The following ABI3BP variants were observed in gnomAD, a reference collection of about 807,000 sequenced individuals.
ABI3BP encodes target of Nesh-SH3.
In ABI3BP, 216 loss-of-function variants were observed where a neutral mutation model predicts 268.6. The ratio of observed to expected loss-of-function variants is 0.80; its 90% CI spans 0.72 to 0.90. ABI3BP has a LOEUF of 0.90. Among genes scored for constraint, ABI3BP ranks in the 40% least tolerant of loss-of-function variants. The probability of loss-of-function intolerance (pLI) is 0.00; values close to 1 mark genes in which losing one functional copy is unlikely to be tolerated. For synonymous variants in ABI3BP, 730 were observed against 730.0 expected (o/e 1.00, Z 0.00); for missense variants, 2,090 against 2,182.4 (o/e 0.96, Z 0.84).
intron 37 of ABI3BP, 42 bp from the exon 38 acceptor site, chr3:100,822,714 C>T: frequency 6.7e-7 from 1 of 1,499,780 alleles, no homozygotes; most frequent in African/African-American, 1.4e-5. Flanking sequence ...ACTGCATTAT[C>T]TATGATTCTG....
intron 63 of ABI3BP, among the ~76,000 whole-genome samples, chr3:100,761,968 C>T (rs4928087): frequency 0.69 from 105,130 of 152,114 alleles, 36,466 homozygotes; most frequent in South Asian, 0.83. Flanking sequence ...GTTATTCAAA[C>T]AGGGAATTCC....
At chr3:100,788,501 A>G (rs2097113327) in intron 56 of ABI3BP, among the ~76,000 whole-genome samples, 1 of 152,026 alleles carries the variant, frequency 6.6e-6, no homozygotes, top group South Asian at 2.1e-4. Flanking sequence ...AGCTTCCTCA[A>G]CTGTACCTCA....
rs2054735378 is a variant in ABI3BP, at chr3:100,908,707, G to A, written c.260-6021C>T. Among the ~76,000 whole-genome samples the A allele has an allele frequency of 2.0e-5, 3 of 152,282 alleles. No homozygotes were observed. In the South Asian group the frequency reaches 6.2e-4, roughly 32 times the overall value. ...TAGGAATCAAACTTACAAGGGATGT[G>A]AAGGACCTCTTCAAGGAGAACTACA... is the stretch of plus-strand genomic sequence containing the variant. On this transcript the variant is annotated intron_variant, in intron 2 of 67. Coordinates refer to ENST00000471714, the MANE Select transcript of ABI3BP (RefSeq NM_001375547.2).
chr3:100,827,565 A>G (rs922151696), intron 34 of ABI3BP, among the ~76,000 whole-genome samples: 10 of 152,140 alleles, frequency 6.6e-5, no homozygotes, highest in Admixed American at 2.0e-4. Context: ...TCTGCACATC[A>G]TAGACTTAAA....
At chr3:100,960,333 A>C (rs898588715) in intron 1 of ABI3BP, among the ~76,000 whole-genome samples, 34 of 152,358 alleles carry the variant, frequency 2.2e-4, no homozygotes, top group African/African-American at 7.9e-4. Context: ...GAACAGAAGA[A>C]ATGTTTGAAG....
Position 100,825,857 on chromosome 3 carries a change from G to A in ABI3BP, c.2603-13C>T. 6.5e-7 allele frequency: 1 copy of A among 1,527,570 alleles called. No individual in the cohort carries two copies. The highest frequency in any genetic ancestry group is 8.8e-7 in the Non-Finnish European group (1 of 1,139,266). 94.6% of individuals were successfully genotyped at this position (1,527,570 alleles called of 1,614,324 possible). A position where few individuals can be genotyped will look rare whatever the true frequency, so the allele number is the denominator to read the frequency against. The stretch of plus-strand genomic sequence containing the variant: ...TCTGTAACAGGAACTGAAGTAATAA[G>A]ATAAACAAAAGAGATGGTAAAAAAT... On this transcript the variant is annotated splice_polypyrimidine_tract_variant and intron_variant, in intron 34 of 67. Transcript: ENST00000471714.
At chr3:100,824,131 C>T (rs1003185575) in intron 36 of ABI3BP, among the ~76,000 whole-genome samples, 8 of 152,182 alleles carry the variant, frequency 5.3e-5, no homozygotes, top group Non-Finnish European at 1.2e-4. Flanking sequence ...CTTTTGATGT[C>T]TCTGTATCAA....
At position 100,930,178 on chromosome 3, in the gene ABI3BP, T is replaced by G. The variant is rs965240580; in HGVS notation, c.80-3697A>C. On this transcript the variant is annotated intron_variant, in intron 1 of 67. Transcript: ENST00000471714. ...TACCACATGATACAAGCTTAACTAG[T>G]ACAACATCTATAAGTAAAAATGGTA... Among the ~76,000 whole-genome samples, 4 of 152,036 alleles carry G rather than the reference T, an allele frequency of 2.6e-5. No homozygotes were observed. In the South Asian group the frequency reaches 8.3e-4, roughly 32 times the overall value.
chr3:100,981,840 A>C (rs868824371), intron 1 of ABI3BP, among the ~76,000 whole-genome samples: 22 of 152,134 alleles, frequency 1.4e-4, no homozygotes, highest in African/African-American at 5.3e-4. Flanking sequence ...AGACTTTGAC[A>C]CCCAGAAAGG....
intron 51 of ABI3BP, among the ~76,000 whole-genome samples, chr3:100,800,651 G>A (rs984537577): frequency 1.3e-5 from 2 of 152,098 alleles, no homozygotes; most frequent in African/African-American, 2.4e-5. Flanking sequence ...CTAATTTTTT[G>A]TATGTTTTAA....
At chr3:100,822,060 A>C (rs73135548) in intron 38 of ABI3BP, among the ~76,000 whole-genome samples, 21,602 of 151,998 alleles carry the variant, frequency 0.14, 1,999 homozygotes, top group South Asian at 0.27. Flanking sequence ...TATTTCCCTG[A>C]TCCAAATATT....
rs1487724083 is a variant in ABI3BP, at chr3:100,828,450, G to A, written c.2545C>T (p.Pro849Ser). ...GAAACTGGTTCAAAGATTGTAGCAG[G>A]AACTGGCCAAAAATAATAAAAATAA... ...SPEELQTELV[P>S]ATIFEPVSPI... is the part of the protein sequence containing the mutation. The change falls in exon 34 of 68, where the codon CCT becomes TCT. Residue 849 changes from proline (P) to serine (S), a missense_variant and splice_region_variant. Transcript: ENST00000471714. The A allele has an allele frequency of 6.5e-7, 1 of 1,534,130 alleles. No homozygotes were observed. The highest frequency in any genetic ancestry group is 1.4e-5 in the African/African-American group (1 of 72,920).
chr3:100,961,217 C>CTG (rs1240752775), intron 1 of ABI3BP, among the ~76,000 whole-genome samples: 1 of 152,234 alleles, frequency 6.6e-6, no homozygotes, highest in African/African-American at 2.4e-5. Flanking sequence ...ATATACCTCA[C>CTG]CCCAGCTGCT....
Position 100,912,115 on chromosome 3 carries a change from C to T in ABI3BP, c.260-9429G>A, listed in dbSNP as rs747932688. The T allele has an allele frequency of 3.5e-4, 201 of 573,052 alleles. 2 individuals carry two copies. Among genetic ancestry groups the T allele is most frequent in the Admixed American group, 1.3e-3 (48 of 38,392 alleles). The allele number at this position is 573,052 out of a possible 1,614,324, so 35.5% of individuals were successfully genotyped here. ...AACACCTTCCGTGTCCCAGACAGTG[C>T]TGGGGTTGTGTAAGGCAAGCTGGTC... On this transcript the variant is annotated intron_variant, in intron 2 of 67. Transcript: ENST00000471714.
intron 1 of ABI3BP, among the ~76,000 whole-genome samples, chr3:100,981,515 T>A (rs2089439544): frequency 1.3e-5 from 2 of 151,808 alleles, no homozygotes; most frequent in East Asian, 3.9e-4. Flanking sequence ...ATCAAACCAA[T>A]CCAGTACCTG....
chr3:100,837,803 A>G (rs1387394489), intron 26 of ABI3BP, among the ~76,000 whole-genome samples: 1 of 152,184 alleles, frequency 6.6e-6, no homozygotes, highest in Admixed American at 6.5e-5. Context: ...AGAGTATTTT[A>G]GAGGAAGCTA....
chr3:100,848,481 T>C (rs2098800613), intron 18 of ABI3BP, among the ~76,000 whole-genome samples: 1 of 152,118 alleles, frequency 6.6e-6, no homozygotes, highest in Non-Finnish European at 1.5e-5. Context: ...TCCTTTTTTT[T>C]TTTTCCCTGA....
intron 6 of ABI3BP, among the ~76,000 whole-genome samples, chr3:100,882,296 T>A (rs975700508): frequency 5.3e-5 from 8 of 152,084 alleles, no homozygotes; most frequent in African/African-American, 1.9e-4. Flanking sequence ...TTCTTTGGAC[T>A]AAAATATACC....
intron 18 of ABI3BP, 52 bp from the exon 19 acceptor site, chr3:100,847,725 ACACC>A: frequency 6.9e-7 from 1 of 1,456,436 alleles, no homozygotes; most frequent in Non-Finnish European, 9.6e-7. Flanking sequence ...CAATAAAAAG[ACACC>A]CTCTAAAGAG....
Sources: gnomAD v4.1 joint callset for allele counts (sites outside exome capture counted in the v4.1 genomes callset) on GRCh38, gnomAD v4.1.1 for gene constraint, MANE v1.5 for transcripts, NCBI Gene and HGNC (gene_info 2026-07-23, HGNC 2026-07-21) for gene names.